The following PAK1 variants were observed in gnomAD, a reference collection of about 807,000 sequenced individuals.
The protein encoded by PAK1 is serine/threonine-protein kinase PAK 1.
Under a neutral mutation model 67.4 loss-of-function variants are expected in PAK1, and 29 were observed. That is an observed-to-expected ratio of 0.43 (90% CI 0.32 to 0.59). PAK1 has a LOEUF of 0.59. Ranked by LOEUF, PAK1 falls within the 20% of genes least tolerant of loss-of-function variation. PAK1 has a pLI of 0.07. For missense variants in PAK1, 337 were observed against 670.7 expected (o/e 0.50, Z 5.50); for synonymous variants, 223 against 237.4 (o/e 0.94, Z 0.56).
chr11:77,496,264 G>A, the PAK1 span, among the ~76,000 whole-genome samples: 5 of 151,980 alleles, frequency 3.3e-5, no homozygotes, highest in Admixed American at 6.6e-5. Flanking sequence ...TGATCCACCC[G>A]CCTCAGCCTC....
chr11:77,381,938 T>C (rs1201687554), intron 2 of PAK1, among the ~76,000 whole-genome samples: 1 of 152,194 alleles, frequency 6.6e-6, no homozygotes, highest in African/African-American at 2.4e-5. Context: ...GGGCCCCAAG[T>C]CAAGCAGTCC....
chr11:77,415,235 C>T (rs1284771860), intron 1 of PAK1, among the ~76,000 whole-genome samples: 4 of 152,314 alleles, frequency 2.6e-5, no homozygotes, highest in Admixed American at 2.6e-4. Flanking sequence ...CAAATGGTGA[C>T]AGGGATATGC....
chr11:77,375,875 C>G (rs1949021668), intron 4 of PAK1, among the ~76,000 whole-genome samples: 1 of 152,104 alleles, frequency 6.6e-6, no homozygotes, highest in African/African-American at 2.4e-5. Flanking sequence ...ATGTACAATT[C>G]CAATTCCATC....
intron 8 of PAK1, 96 bp from the exon 9 acceptor site, chr11:77,349,383 CA>C: frequency 4.4e-6 from 4 of 902,486 alleles, no homozygotes; most frequent in Non-Finnish European, 5.4e-6. Context: ...CTGTGAGTGT[CA>C]AAAACAAGAG....
intron 5 of PAK1, among the ~76,000 whole-genome samples, chr11:77,372,512 A>C (rs1228957252): frequency 3.3e-5 from 5 of 152,212 alleles, no homozygotes; most frequent in Non-Finnish European, 7.3e-5. Context: ...TATGTGTAAA[A>C]ATGACTCCGA....
chr11:77,439,289 C>T (rs1394410290), intron 1 of PAK1, among the ~76,000 whole-genome samples: 1 of 151,848 alleles, frequency 6.6e-6, no homozygotes, highest in Non-Finnish European at 1.5e-5. Flanking sequence ...GCTTTTAAAA[C>T]CAAAAAGCCA....
the PAK1 span, among the ~76,000 whole-genome samples, chr11:77,512,664 AT>A: frequency 6.6e-6 from 1 of 152,194 alleles, no homozygotes; most frequent in African/African-American, 2.4e-5. Flanking sequence ...CTACTATGCT[AT>A]TACTAGCTAC....
chr11:77,487,580 C>T, the PAK1 span, among the ~76,000 whole-genome samples: 1 of 151,876 alleles, frequency 6.6e-6, no homozygotes, highest in Non-Finnish European at 1.5e-5. Context: ...AGGGAGAGTC[C>T]CAGGCCCAGC....
At chr11:77,452,151 A>C (rs1314504763) in intron 1 of PAK1, among the ~76,000 whole-genome samples, 1 of 152,202 alleles carries the variant, frequency 6.6e-6, no homozygotes, top group Non-Finnish European at 1.5e-5. Flanking sequence ...TAAAGTCTTC[A>C]TTTCATTTTT....
At chr11:77,405,712 CA>C (rs1422461119) in intron 1 of PAK1, among the ~76,000 whole-genome samples, 4 of 151,132 alleles carry the variant, frequency 2.6e-5, no homozygotes, top group African/African-American at 4.9e-5. Context: ...CACACACACA[CA>C]CCCTTCCCTT....
Position 77,326,061 on chromosome 11 carries a change from G to A in PAK1, c.1552-2701C>T, listed in dbSNP as rs17135545. On this transcript the variant is annotated intron_variant, in intron 14 of 14. Coordinates refer to ENST00000356341, the MANE Select transcript of PAK1 (RefSeq NM_002576.5). ...TGGGCTTCATAATACGAAAGCAAAT[G>A]ACAGTGCATGCCTTCATAAAGTTGC... Among the ~76,000 whole-genome samples, 877 of 152,270 alleles carry A rather than the reference G, an allele frequency of 5.8e-3. 20 individuals carry two copies. Among genetic ancestry groups the A allele is most frequent in the African/African-American group, 0.021 (852 of 41,560 alleles).
At chr11:77,446,794 G>A (rs1470449962) in intron 1 of PAK1, among the ~76,000 whole-genome samples, 1 of 151,578 alleles carries the variant, frequency 6.6e-6, no homozygotes, top group Admixed American at 6.6e-5. Flanking sequence ...TATAAAAGAG[G>A]TATGAACCTC....
chr11:77,461,825 A>C (rs1005701181), intron 1 of PAK1, among the ~76,000 whole-genome samples: 18 of 152,238 alleles, frequency 1.2e-4, no homozygotes, highest in African/African-American at 4.3e-4. Context: ...TGGCACTTTA[A>C]AGAAACCCAT....
chr11:77,324,684 C>A (rs1939275629), intron 14 of PAK1, among the ~76,000 whole-genome samples: 1 of 152,000 alleles, frequency 6.6e-6, no homozygotes, highest in African/African-American at 2.4e-5. Context: ...ACTCAACTCA[C>A]ATGAGCATAT....
At chr11:77,496,052 C>T in the PAK1 span, among the ~76,000 whole-genome samples, 3 of 145,758 alleles carry the variant, frequency 2.1e-5, no homozygotes, top group Non-Finnish European at 4.5e-5. Context: ...AGGAGTCTCA[C>T]TCTGTCGCCA....
chr11:77,357,891 T>TG (rs34861467), intron 6 of PAK1, among the ~76,000 whole-genome samples: 9,528 of 152,082 alleles, frequency 0.063, 668 homozygotes, highest in East Asian at 0.24. Context: ...CATGGTTTAG[T>TG]GGGGAAAAAA....
chr11:77,467,239 T>G (rs1957641470), intron 1 of PAK1, among the ~76,000 whole-genome samples: 1 of 152,214 alleles, frequency 6.6e-6, no homozygotes, highest in Admixed American at 6.5e-5. Context: ...TTAAGAATGC[T>G]TGCCAGGCCA....
the PAK1 span, among the ~76,000 whole-genome samples, chr11:77,516,048 T>G: frequency 6.6e-6 from 1 of 152,248 alleles, no homozygotes; most frequent in South Asian, 2.1e-4. Context: ...AAATTCAGTC[T>G]GTGCCATTTG....
At position 77,323,325 on chromosome 11, in the gene PAK1, G is replaced by A; in HGVS notation, c.1587C>T (p.Ser529=). 1 of 1,613,594 alleles carries A rather than the reference G, an allele frequency of 6.2e-7. No individual in the cohort carries two copies. The highest frequency in any genetic ancestry group is 2.2e-5 in the East Asian group (1 of 44,856). Reference sequence around the variant, plus strand: ...TAGCTGCAGCAATCAGTGGAGTGAGGCTGGAGAGGGGCTTGGCAATCTTCA... The same window carrying A: ...TAGCTGCAGCAATCAGTGGAGTGAGACTGGAGAGGGGCTTGGCAATCTTCA... ...QFLKIAKPLS[S]LTPLIAAAKE... is the part of the protein sequence containing the mutation. The change falls in exon 15 of 15, where the codon AGC becomes AGT. Residue 529 remains serine (S), a synonymous_variant. Transcript: ENST00000356341.
Sources: allele counts gnomAD v4.1 joint callset (sites outside exome capture counted in the v4.1 genomes callset), GRCh38; gene constraint gnomAD v4.1.1; transcripts MANE v1.5; gene names NCBI Gene and HGNC (gene_info 2026-07-23, HGNC 2026-07-21).